Variants in GPHN observed in about 807,000 individuals in gnomAD.
GPHN encodes the protein gephyrin.
A neutral mutation model predicts 95.5 loss-of-function variants in GPHN; 17 were observed. The ratio of observed to expected loss-of-function variants is 0.18; its 90% CI spans 0.12 to 0.27. The LOEUF (loss-of-function observed/expected upper bound fraction) is 0.27. Among genes scored for constraint, GPHN ranks in the 10% least tolerant of loss-of-function variants. The pLI, the probability that GPHN is intolerant of heterozygous loss-of-function variation, is 1.00. For synonymous variants in GPHN, 320 were observed against 322.5 expected, an observed-to-expected ratio of 0.99 and a Z score of 0.08; for missense variants, 660 against 978.1, an observed-to-expected ratio of 0.67 and a Z score of 4.34.
intron 1 of GPHN, among the ~76,000 whole-genome samples, chr14:66,655,827 A>G (rs1475555234): frequency 6.6e-6 from 1 of 152,022 alleles, no homozygotes; most frequent in East Asian, 1.9e-4. Flanking sequence ...AATTTTGTGA[A>G]ATGCTTTCCC....
At chr14:67,173,941 CT>C (rs1391111480) in intron 21 of GPHN, among the ~76,000 whole-genome samples, 1 of 151,956 alleles carries the variant, frequency 6.6e-6, no homozygotes, top group African/African-American at 2.4e-5. Context: ...CAATAACAGA[CT>C]TTGTCAGGCC....
chr14:67,186,600 G>A (rs956066673), downstream of GPHN, among the ~76,000 whole-genome samples: 3 of 152,156 alleles, frequency 2.0e-5, no homozygotes, highest in Non-Finnish European at 4.4e-5. Flanking sequence ...GCCCTCTGAC[G>A]AGAGGGCGCT....
At chr14:66,621,565 C>T (rs893611316) in intron 1 of GPHN, among the ~76,000 whole-genome samples, 6 of 151,440 alleles carry the variant, frequency 4.0e-5, no homozygotes, top group African/African-American at 1.5e-4. Flanking sequence ...GCTGGGACTA[C>T]AGGCACCCGC....
At chr14:66,846,970 C>A (rs891322856) in intron 4 of GPHN, among the ~76,000 whole-genome samples, 1 of 152,072 alleles carries the variant, frequency 6.6e-6, no homozygotes, top group South Asian at 2.1e-4. Flanking sequence ...AAGGTTTAGT[C>A]ATATTCATTA....
At chr14:66,760,959 T>C (rs2058733777) in intron 2 of GPHN, 5 of 679,968 alleles carry the variant, frequency 7.4e-6, no homozygotes, top group Admixed American at 5.5e-5. Flanking sequence ...AGGGAAGCAG[T>C]TGGAAGAGAA....
At chr14:66,719,826 A>G (rs2070552398) in intron 2 of GPHN, among the ~76,000 whole-genome samples, 4 of 152,346 alleles carry the variant, frequency 2.6e-5, no homozygotes, top group African/African-American at 7.2e-5. Flanking sequence ...GAAATTTTCT[A>G]TGGGTTTCAA....
At chr14:66,693,670 A>AC (rs1363337188) in intron 2 of GPHN, among the ~76,000 whole-genome samples, 3 of 152,142 alleles carry the variant, frequency 2.0e-5, no homozygotes, top group Non-Finnish European at 2.9e-5. Flanking sequence ...GATCTTACTT[A>AC]CTCAGCCTAT....
At chr14:67,694,557 C>T in the GPHN span, among the ~76,000 whole-genome samples, 643 of 148,832 alleles carry the variant, frequency 4.3e-3, 7 homozygotes, top group African/African-American at 0.015. Context: ...GGTATGAGCA[C>T]TATTTTCAGT....
At chr14:67,474,279 A>G in the GPHN span, among the ~76,000 whole-genome samples, 1 of 147,672 alleles carries the variant, frequency 6.8e-6, no homozygotes, top group Admixed American at 6.8e-5. Flanking sequence ...AAAAAAACAG[A>G]GCAAAGAACA....
At chr14:66,771,760 G>A (rs1387115627) in intron 2 of GPHN, among the ~76,000 whole-genome samples, 3 of 123,518 alleles carry the variant, frequency 2.4e-5, no homozygotes, top group African/African-American at 9.7e-5. Context: ...AGAGTGTGAT[G>A]TTCCCCTTCC....
chr14:66,948,299 A>C (rs1378783578), intron 8 of GPHN, among the ~76,000 whole-genome samples: 1 of 152,174 alleles, frequency 6.6e-6, no homozygotes, highest in Admixed American at 6.5e-5. Flanking sequence ...TTGTAAAAAA[A>C]AACAAGCTTA....
rs1477246900 is a variant in GPHN, at chr14:66,880,001, A to T, written c.357A>T (p.Ser119=). ...TGGCCCTGGCAATGCTGATGGGATC[A>T]CTTAATGTTACACCTCTGGGCATGC... ...PGMALAMLMG[S]LNVTPLGMLS... is the part of the protein sequence containing the mutation. The change falls in exon 5 of 23, where the codon TCA becomes TCT. Residue 119 remains serine, a synonymous_variant. Transcript: ENST00000478722. 1.2e-6 allele frequency: 2 copies of T among 1,609,532 alleles called. No homozygotes were observed. Among genetic ancestry groups the T allele is most frequent in the Non-Finnish European group, 1.7e-6 (2 of 1,176,300 alleles).
At chr14:67,569,825 C>T in the GPHN span, 8 of 780,414 alleles carry the variant, frequency 1.0e-5, no homozygotes, top group Admixed American at 1.6e-4. Context: ...CTGGCCTGCT[C>T]CTGGAGGGAA....
intron 11 of GPHN, among the ~76,000 whole-genome samples, chr14:67,074,879 A>G (rs1160948276): frequency 6.6e-6 from 1 of 152,216 alleles, no homozygotes; most frequent in Non-Finnish European, 1.5e-5. Context: ...ATGAGCTTTA[A>G]GGACAGAATA....
the GPHN span, among the ~76,000 whole-genome samples, chr14:67,212,425 A>C: frequency 1.3e-5 from 2 of 150,736 alleles, no homozygotes; most frequent in African/African-American, 4.9e-5. Flanking sequence ...CTGTCTCTAC[A>C]AAAAAAATAC....
At chr14:66,883,251 A>G (rs1005071668) in intron 5 of GPHN, among the ~76,000 whole-genome samples, 10 of 151,902 alleles carry the variant, frequency 6.6e-5, no homozygotes, top group African/African-American at 1.9e-4. Flanking sequence ...TCTATGATCT[A>G]TCTTCAAATT....
chr14:66,572,582 A>G (rs1230794797), intron 1 of GPHN, among the ~76,000 whole-genome samples: 1 of 151,900 alleles, frequency 6.6e-6, no homozygotes, highest in Non-Finnish European at 1.5e-5. Flanking sequence ...GTTAGTGTAT[A>G]GAAATGCTAC....
At chr14:67,125,999 C>T (rs183823237) in intron 17 of GPHN, among the ~76,000 whole-genome samples, 70 of 152,146 alleles carry the variant, frequency 4.6e-4, no homozygotes, top group Admixed American at 9.8e-4. Context: ...GTGAGTTGGA[C>T]TAAATGGCCT....
In GPHN at chr14:66,995,896, C is replaced by A. The variant is rs566437422; in HGVS notation, c.964-27737C>A. Among the ~76,000 whole-genome samples the A allele has an allele frequency of 2.0e-5, 3 of 152,282 alleles. No individual in the cohort carries two copies. The East Asian group carries it at 5.8e-4, about 29-fold the overall frequency. ...GAAAAATTGTCCAGCGTTCTGCTTT[C>A]TTTCTTAAATGAGGATCTTCTCAGC... On this transcript the variant is annotated intron_variant, in intron 9 of 22. Coordinates refer to ENST00000478722, the MANE Select transcript of GPHN (RefSeq NM_020806.5).
Sources: allele counts gnomAD v4.1 joint callset (sites outside exome capture counted in the v4.1 genomes callset), GRCh38; gene constraint gnomAD v4.1.1; transcripts MANE v1.5; gene names NCBI Gene and HGNC (gene_info 2026-07-23, HGNC 2026-07-21).